The following FBXL13 variants were observed in gnomAD, a reference collection of about 807,000 sequenced individuals.
The protein encoded by FBXL13 is F-box and leucine-rich repeat protein 13.
A neutral mutation model predicts 83.6 loss-of-function variants in FBXL13; 67 were observed. The ratio of observed to expected loss-of-function variants is 0.80; its 90% CI spans 0.66 to 0.98. The LOEUF is 0.98. Among genes scored for constraint, FBXL13 ranks in the 50% least tolerant of loss-of-function variants. The probability of loss-of-function intolerance (pLI) is 0.00; values close to 1 mark genes in which losing one functional copy is unlikely to be tolerated. For synonymous variants in FBXL13, 272 were observed against 299.5 expected, an observed-to-expected ratio of 0.91 and a Z score of 0.95; for missense variants, 822 against 866.5, an observed-to-expected ratio of 0.95 and a Z score of 0.64.
chr7:103,040,552 A>G (rs895717221), intron 2 of FBXL13, among the ~76,000 whole-genome samples: 14 of 152,208 alleles, frequency 9.2e-5, no homozygotes, highest in African/African-American at 3.1e-4. Context: ...CACTTATTCT[A>G]AAATTGACCA....
intron 1 of FBXL13, among the ~76,000 whole-genome samples, chr7:103,060,905 T>C (rs773154212): frequency 6.6e-6 from 1 of 152,206 alleles, no homozygotes; most frequent in Non-Finnish European, 1.5e-5. Flanking sequence ...TCACAAATGA[T>C]TGCCATCCCC....
intron 11 of FBXL13, among the ~76,000 whole-genome samples, chr7:102,885,020 G>A (rs916018085): frequency 2.6e-5 from 4 of 152,116 alleles, no homozygotes; most frequent in East Asian, 3.8e-4. Flanking sequence ...GAAAAACTAC[G>A]TTTTAAAAAT....
intron 10 of FBXL13, among the ~76,000 whole-genome samples, chr7:102,919,066 T>G (rs981823407): frequency 5.9e-5 from 9 of 152,170 alleles, no homozygotes; most frequent in African/African-American, 2.2e-4. Flanking sequence ...GGAGCCAGCT[T>G]GCACAGCTCA....
intron 1 of FBXL13, among the ~76,000 whole-genome samples, chr7:103,060,863 C>A (rs1797835285): frequency 6.6e-6 from 1 of 152,132 alleles, no homozygotes; most frequent in African/African-American, 2.4e-5. Flanking sequence ...TATCCCCTAC[C>A]CCAACCTCTG....
chr7:103,056,377 A>C (rs1797338039), intron 1 of FBXL13, among the ~76,000 whole-genome samples: 1 of 152,168 alleles, frequency 6.6e-6, no homozygotes, highest in Admixed American at 6.5e-5. Flanking sequence ...CTGGGTAGAT[A>C]CCCAATAGTG....
intron 1 of FBXL13, among the ~76,000 whole-genome samples, chr7:103,066,556 T>C (rs933561350): frequency 4.6e-5 from 7 of 151,946 alleles, no homozygotes; most frequent in African/African-American, 1.7e-4. Context: ...CACGCCCAGC[T>C]AATTTTTTTT....
At chr7:103,068,863 C>T (rs1193885149) in intron 1 of FBXL13, among the ~76,000 whole-genome samples, 1 of 152,214 alleles carries the variant, frequency 6.6e-6, no homozygotes, top group Non-Finnish European at 1.5e-5. Flanking sequence ...CTTTCATAAT[C>T]TCAGGGAAGG....
intron 8 of FBXL13, chr7:102,934,037 TC>T: frequency 1.2e-6 from 2 of 1,614,034 alleles, no homozygotes; most frequent in Non-Finnish European, 8.5e-7. Context: ...CCGGAGAGGC[TC>T]CAACCCGGTC....
At chr7:102,869,897 C>T (rs1808299780) in intron 16 of FBXL13, among the ~76,000 whole-genome samples, 1 of 152,148 alleles carries the variant, frequency 6.6e-6, no homozygotes, top group Admixed American at 6.6e-5. Flanking sequence ...AGAAACAGTG[C>T]TTGAACTAAG....
intron 6 of FBXL13, among the ~76,000 whole-genome samples, chr7:102,990,477 G>A (rs937616205): frequency 6.6e-6 from 1 of 152,146 alleles, no homozygotes; most frequent in East Asian, 1.9e-4. Context: ...TTTTTCATTC[G>A]ATCATTCAAC....
chr7:102,889,572 C>T (rs1811255971), intron 11 of FBXL13, among the ~76,000 whole-genome samples: 4 of 152,106 alleles, frequency 2.6e-5, no homozygotes, highest in Admixed American at 2.0e-4. Flanking sequence ...GTCCCCCACC[C>T]TCTGACAGGC....
intron 6 of FBXL13, among the ~76,000 whole-genome samples, chr7:102,977,973 G>C (rs1439017941): frequency 6.6e-6 from 1 of 152,164 alleles, no homozygotes; most frequent in Non-Finnish European, 1.5e-5. Context: ...GGGACGGATA[G>C]CATTAGGAGA....
intron 6 of FBXL13, among the ~76,000 whole-genome samples, chr7:102,971,594 C>CA (rs11447254): frequency 0.76 from 87,219 of 114,796 alleles, 32,812 homozygotes; most frequent in Non-Finnish European, 0.82. Flanking sequence ...AACTCCGTCT[C>CA]AAAAAAAAAA....
chr7:102,833,110 T>TA (rs1201291870), intron 17 of FBXL13, 136 bp from the exon 19 acceptor site: 1 of 888,276 alleles, frequency 1.1e-6, no homozygotes, highest in African/African-American at 1.7e-5. Context: ...AAAAATAATT[T>TA]AAAAAACCCA....
At chr7:102,957,387 A>G (rs1274744318) in intron 8 of FBXL13, among the ~76,000 whole-genome samples, 2 of 152,234 alleles carry the variant, frequency 1.3e-5, no homozygotes, top group Non-Finnish European at 2.9e-5. Context: ...AATTAATTCA[A>G]GATGGATTCA....
chr7:102,894,559 GA>G, intron 11 of FBXL13, among the ~76,000 whole-genome samples: 1 of 151,460 alleles, frequency 6.6e-6, no homozygotes, highest in Admixed American at 6.6e-5. Context: ...CCCGTCTCTA[GA>G]AAAAAAATTT....
At chr7:103,000,663 G>A (rs1437843300) in intron 6 of FBXL13, among the ~76,000 whole-genome samples, 1 of 152,132 alleles carries the variant, frequency 6.6e-6, no homozygotes, top group African/African-American at 2.4e-5. Flanking sequence ...GGCATGATTT[G>A]TCCATTACTC....
exon 15 of FBXL13, chr7:102,878,434 G>T: frequency 6.2e-7 from 1 of 1,600,608 alleles, no homozygotes; most frequent in Non-Finnish European, 8.5e-7. Context: ...AATTGCTTTA[G>T]TCCCATATCA....
At chr7:102,959,150 C>A (rs1318957559) in intron 8 of FBXL13, among the ~76,000 whole-genome samples, 1 of 152,022 alleles carries the variant, frequency 6.6e-6, no homozygotes, top group Non-Finnish European at 1.5e-5. Context: ...GCTATTAAAA[C>A]CAAGAAGAGA....
Sources: gnomAD v4.1 joint callset for allele counts (sites outside exome capture counted in the v4.1 genomes callset) on GRCh38, gnomAD v4.1.1 for gene constraint, MANE v1.5 for transcripts, NCBI Gene and HGNC (gene_info 2026-07-23, HGNC 2026-07-21) for gene names.